The following NCAM2 variants were observed in gnomAD, a reference collection of about 807,000 sequenced individuals.
NCAM2 encodes the protein neural cell adhesion molecule 2.
Under a neutral mutation model 98.1 loss-of-function variants are expected in NCAM2, and 30 were observed. That is an observed-to-expected ratio of 0.31 (90% confidence interval 0.23 to 0.41). The LOEUF (loss-of-function observed/expected upper bound fraction) is 0.41, where lower values mean the gene tolerates loss of function less well. Ranked by LOEUF, NCAM2 falls within the 10% of genes least tolerant of loss-of-function variation. The probability of loss-of-function intolerance (pLI) is 1.00; values close to 1 mark genes in which losing one functional copy is unlikely to be tolerated. For missense variants in NCAM2, 867 were observed against 1,005.8 expected, an observed-to-expected ratio of 0.86 and a Z score of 1.87; for synonymous variants, 368 against 342.4, an observed-to-expected ratio of 1.07 and a Z score of -0.83.
chr21:21,460,495 A>G (rs1183556213), intron 12 of NCAM2, among the ~76,000 whole-genome samples: 1 of 151,986 alleles, frequency 6.6e-6, no homozygotes, highest in East Asian at 1.9e-4. Context: ...TTGGAAAAGT[A>G]AAATTTGTTT....
In NCAM2 at chr21:21,272,497, T is replaced by TGC. The variant is rs201869091; in HGVS notation, c.56-8070_56-8069dup. On this transcript the variant is annotated intron_variant, in intron 1 of 17. Transcript: ENST00000400546. Reference sequence around the variant, plus strand: ...AAAAACACGCACACATACACACACATGCGCGCGCGCGCACACACACACACA... The same window carrying TGC: ...AAAAACACGCACACATACACACACATGCGCGCGCGCGCGCACACACACACACA... Among the ~76,000 whole-genome samples the TGC allele has an allele frequency of 2.1e-3, 306 of 145,500 alleles. 2 individuals are homozygous for TGC. The highest frequency in any genetic ancestry group is 9.2e-3 in the East Asian group (44 of 4,774).
intron 15 of NCAM2, among the ~76,000 whole-genome samples, chr21:21,492,600 G>T (rs12483545): frequency 0.015 from 2,252 of 151,750 alleles, 72 homozygotes; most frequent in East Asian, 0.11. Flanking sequence ...TATTTGCATT[G>T]TTGGTAGAGA....
intron 14 of NCAM2, among the ~76,000 whole-genome samples, chr21:21,469,320 G>T (rs1314331650): frequency 6.6e-6 from 1 of 151,944 alleles, no homozygotes; most frequent in Admixed American, 6.6e-5. Context: ...ACAGATTTTT[G>T]ATAGAGGTTA....
At chr21:21,434,938 C>T (rs1261795846) in intron 12 of NCAM2, among the ~76,000 whole-genome samples, 1 of 152,110 alleles carries the variant, frequency 6.6e-6, no homozygotes, top group Non-Finnish European at 1.5e-5. Flanking sequence ...CACCTGCCCT[C>T]TGTGGGACAG....
intron 16 of NCAM2, among the ~76,000 whole-genome samples, chr21:21,533,793 A>T (rs2146426799): frequency 6.6e-6 from 1 of 152,026 alleles, no homozygotes; most frequent in Admixed American, 6.6e-5. Flanking sequence ...GTGAGGCATG[A>T]AACATTATAA....
At chr21:21,161,507 A>G (rs1172057016) in intron 1 of NCAM2, among the ~76,000 whole-genome samples, 1 of 151,846 alleles carries the variant, frequency 6.6e-6, no homozygotes, top group East Asian at 1.9e-4. Flanking sequence ...GGACTTAACA[A>G]CAATCTCATA....
intron 15 of NCAM2, among the ~76,000 whole-genome samples, chr21:21,481,885 G>A (rs1985919999): frequency 6.6e-6 from 1 of 152,134 alleles, no homozygotes; most frequent in African/African-American, 2.4e-5. Flanking sequence ...CGGTGACAAG[G>A]TCGGGAGTTT....
chr21:21,418,747 A>G (rs1400698524), intron 11 of NCAM2, among the ~76,000 whole-genome samples, 178 bp downstream of exon 11: 1 of 152,124 alleles, frequency 6.6e-6, no homozygotes, highest in Non-Finnish European at 1.5e-5. Flanking sequence ...GAGGGAATGA[A>G]GAGGGGTTAC....
chr21:21,212,210 G>A (rs184153114), intron 1 of NCAM2, among the ~76,000 whole-genome samples: 153 of 152,178 alleles, frequency 1.0e-3, no homozygotes, highest in Non-Finnish European at 1.8e-3. Context: ...ACATATCACC[G>A]AATATTAGTA....
chr21:21,066,219 A>G (rs547094144), intron 1 of NCAM2, among the ~76,000 whole-genome samples: 77 of 152,328 alleles, frequency 5.1e-4, no homozygotes, highest in Non-Finnish European at 9.3e-4. Flanking sequence ...TTACAAATGA[A>G]TAGATACTTG....
chr21:21,147,921 G>A (rs1395297491), intron 1 of NCAM2, among the ~76,000 whole-genome samples: 1 of 151,216 alleles, frequency 6.6e-6, no homozygotes, highest in Non-Finnish European at 1.5e-5. Flanking sequence ...TAACATATAG[G>A]ATATATATAA....
At chr21:21,016,213 T>A (rs1200321496) in intron 1 of NCAM2, among the ~76,000 whole-genome samples, 1 of 152,174 alleles carries the variant, frequency 6.6e-6, no homozygotes, top group African/African-American at 2.4e-5. Flanking sequence ...TCCCTCGAAG[T>A]ACATGACTGG....
intron 11 of NCAM2, among the ~76,000 whole-genome samples, chr21:21,424,895 G>A (rs193132666): frequency 3.7e-4 from 56 of 151,732 alleles, no homozygotes; most frequent in Non-Finnish European, 4.1e-4. Context: ...TATTAGCCGG[G>A]TGTGGTGATG....
At chr21:21,220,289 AC>A (rs2070091760) in intron 1 of NCAM2, among the ~76,000 whole-genome samples, 1 of 152,316 alleles carries the variant, frequency 6.6e-6, no homozygotes, top group African/African-American at 2.4e-5. Flanking sequence ...TAAATGTCAT[AC>A]ATAGGCATAT....
intron 1 of NCAM2, among the ~76,000 whole-genome samples, chr21:21,273,290 T>C (rs1344691123): frequency 1.3e-5 from 2 of 152,054 alleles, no homozygotes; most frequent in African/African-American, 4.8e-5. Flanking sequence ...AAATATCATA[T>C]ATGTTTGTAG....
chr21:21,455,925 A>T (rs1364325216), intron 12 of NCAM2, among the ~76,000 whole-genome samples: 4 of 152,052 alleles, frequency 2.6e-5, no homozygotes, highest in African/African-American at 9.7e-5. Context: ...ATGGCTTAGC[A>T]AAGACAAATT....
At chr21:21,285,940 C>A (rs1345947088) in intron 3 of NCAM2, among the ~76,000 whole-genome samples, 2 of 151,796 alleles carry the variant, frequency 1.3e-5, no homozygotes, top group Non-Finnish European at 2.9e-5. Flanking sequence ...GTGGTGAGAA[C>A]AAACTTGGAA....
chr21:21,373,847 G>A lies in NCAM2; in HGVS notation c.1045-16G>A, dbSNP rs2075973953. ...CAAGCATAAAATCTTTCTTTTTCCT[G>A]AATCGATGTAAACAGAGCCTGGACG... On this transcript the variant is annotated splice_polypyrimidine_tract_variant and intron_variant, in intron 8 of 17. Coordinates refer to ENST00000400546, the MANE Select transcript of NCAM2 (RefSeq NM_004540.5). 3.2e-6 allele frequency: 5 copies of A among 1,572,900 alleles called. No individual in the cohort carries two copies.
At chr21:21,146,361 A>G (rs2146677200) in intron 1 of NCAM2, among the ~76,000 whole-genome samples, 1 of 151,556 alleles carries the variant, frequency 6.6e-6, no homozygotes, top group East Asian at 1.9e-4. Flanking sequence ...TCTGACATGA[A>G]TTTTGATCTG....
Sources: allele counts gnomAD v4.1 joint callset (sites outside exome capture counted in the v4.1 genomes callset), GRCh38; gene constraint gnomAD v4.1.1; transcripts MANE v1.5; gene names NCBI Gene and HGNC (gene_info 2026-07-23, HGNC 2026-07-21).